KLF12: variants seen among roughly 807,000 people sequenced by gnomAD.
The protein encoded by KLF12 is KLF transcription factor 12.
Under a neutral mutation model 37.8 loss-of-function variants are expected in KLF12, and 9 were observed. That is an observed-to-expected ratio of 0.24 (90% CI 0.14 to 0.42). The LOEUF (loss-of-function observed/expected upper bound fraction) is 0.42, where lower values mean the gene tolerates loss of function less well. KLF12 is among the 10% of genes least tolerant of loss of function. KLF12 has a pLI of 1.00. For missense variants in KLF12, 411 were observed against 516.0 expected, an observed-to-expected ratio of 0.80 and a Z score of 1.97; for synonymous variants, 208 against 202.1, an observed-to-expected ratio of 1.03 and a Z score of -0.25.
the KLF12 span, chr13:74,259,079 G>C: frequency 6.6e-6 from 1 of 152,242 alleles, no homozygotes; most frequent in Non-Finnish European, 1.5e-5. Flanking sequence ...TCTGGCCTGT[G>C]CCCCAGATAG....
intron 3 of KLF12, among the ~76,000 whole-genome samples, chr13:73,855,459 G>A (rs1180805626): frequency 1.3e-5 from 2 of 152,170 alleles, no homozygotes; most frequent in African/African-American, 2.4e-5. Context: ...GTATTCCACG[G>A]TGTATATGTA....
intron 2 of KLF12, among the ~76,000 whole-genome samples, chr13:73,951,682 C>G (rs1890652810): frequency 6.6e-6 from 1 of 152,200 alleles, no homozygotes; most frequent in African/African-American, 2.4e-5. Context: ...TTCTAAAGTT[C>G]TTGCCCTGAC....
intron 1 of KLF12, among the ~76,000 whole-genome samples, chr13:74,011,421 T>TA (rs1303753427): frequency 3.2e-4 from 48 of 152,158 alleles, no homozygotes; most frequent in Non-Finnish European, 1.5e-4. Context: ...AAGTGTGCAA[T>TA]ACAAAAATAA....
In KLF12 at chr13:73,952,838, G is replaced by A. The variant is rs1375456781; in HGVS notation, c.34-8768C>T. 2.6e-5 allele frequency among the ~76,000 whole-genome samples: 4 copies of A among 152,194 alleles called. No homozygotes were observed. The East Asian group carries it at 5.8e-4, about 22-fold the overall frequency. ...AATTTGGAAGCTGACTTACAAAGAT[G>A]TCTGATGTGATACAAGAGAAACTGC... On this transcript the variant is annotated intron_variant, in intron 2 of 7. Transcript: ENST00000377669.
At chr13:74,188,563 T>C in the KLF12 span, among the ~76,000 whole-genome samples, 1 of 152,210 alleles carries the variant, frequency 6.6e-6, no homozygotes, top group South Asian at 2.1e-4. Flanking sequence ...AACATGATGG[T>C]AAGACCTGGT....
At chr13:74,110,168 C>T (rs777766468) in intron 1 of KLF12, among the ~76,000 whole-genome samples, 3 of 152,096 alleles carry the variant, frequency 2.0e-5, no homozygotes, top group Admixed American at 6.6e-5. Context: ...CATTTCTGTA[C>T]GCTAAATTGG....
chr13:74,041,283 T>C lies in KLF12; in HGVS notation c.-31-46230A>G, dbSNP rs571578060. On this transcript the variant is annotated intron_variant, in intron 1 of 7. Transcript: ENST00000377669. ...TCCCCACAATATTTTGCACCATTCATGTGCCCTGTAGTATAGTTTCTCATG... is the reference window on the plus strand; with the variant it reads ...TCCCCACAATATTTTGCACCATTCACGTGCCCTGTAGTATAGTTTCTCATG... Among the ~76,000 whole-genome samples, 24 of 152,324 alleles carry C rather than the reference T, an allele frequency of 1.6e-4. No individual in the cohort carries two copies. In the South Asian group the frequency reaches 4.8e-3, roughly 30 times the overall value.
the KLF12 span, among the ~76,000 whole-genome samples, chr13:74,178,860 A>G: frequency 3.3e-5 from 5 of 152,164 alleles, no homozygotes; most frequent in African/African-American, 9.7e-5. Context: ...CCCTCTGGAA[A>G]TACTGGAATT....
intron 6 of KLF12, among the ~76,000 whole-genome samples, chr13:73,758,878 G>C (rs962972001): frequency 1.3e-5 from 2 of 152,104 alleles, no homozygotes; most frequent in Non-Finnish European, 1.5e-5. Context: ...CTGGGTGATA[G>C]AGAAGTTAAG....
At chr13:73,722,868 A>G (rs1031779233) in intron 6 of KLF12, among the ~76,000 whole-genome samples, 1 of 152,230 alleles carries the variant, frequency 6.6e-6, no homozygotes, top group African/African-American at 2.4e-5. Flanking sequence ...AAACTAATTA[A>G]AAGATAATGG....
intron 1 of KLF12, among the ~76,000 whole-genome samples, chr13:73,997,302 C>T (rs1400163239): frequency 6.6e-6 from 1 of 151,952 alleles, no homozygotes; most frequent in Non-Finnish European, 1.5e-5. Flanking sequence ...CTTTGATGCC[C>T]AGTTTTCTTC....
chr13:74,206,859 A>G, the KLF12 span, among the ~76,000 whole-genome samples: 1 of 152,210 alleles, frequency 6.6e-6, no homozygotes, highest in Non-Finnish European at 1.5e-5. Flanking sequence ...GAGTTTCTAA[A>G]CATTTGGCAT....
At chr13:74,183,611 C>T in the KLF12 span, among the ~76,000 whole-genome samples, 4 of 151,960 alleles carry the variant, frequency 2.6e-5, no homozygotes, top group Middle Eastern at 3.4e-3. Flanking sequence ...AAAAAAAAAT[C>T]CACCAACAGC....
intron 5 of KLF12, among the ~76,000 whole-genome samples, chr13:73,782,357 C>A (rs2089647928): frequency 6.6e-6 from 1 of 152,110 alleles, no homozygotes; most frequent in African/African-American, 2.4e-5. Context: ...ATGTCTTGTG[C>A]CTAACTTTCT....
chr13:74,070,320 G>T (rs895741516), intron 1 of KLF12, among the ~76,000 whole-genome samples: 2 of 152,168 alleles, frequency 1.3e-5, no homozygotes, highest in Non-Finnish European at 2.9e-5. Flanking sequence ...GCAGGTAAAC[G>T]ACCACTAGCC....
chr13:74,182,381 A>C, the KLF12 span, among the ~76,000 whole-genome samples: 1 of 152,196 alleles, frequency 6.6e-6, no homozygotes, highest in East Asian at 1.9e-4. Flanking sequence ...TGGTTATCAG[A>C]GAATTAGAGG....
At chr13:74,118,340 G>T (rs1171823212) in intron 1 of KLF12, among the ~76,000 whole-genome samples, 1 of 152,104 alleles carries the variant, frequency 6.6e-6, no homozygotes, top group Non-Finnish European at 1.5e-5. Context: ...AAATGTCTAT[G>T]ATTTAGTCAA....
intron 3 of KLF12, among the ~76,000 whole-genome samples, chr13:73,875,106 A>C (rs1886641699): frequency 6.6e-6 from 1 of 152,008 alleles, no homozygotes; most frequent in Admixed American, 6.6e-5. Flanking sequence ...TTGCCAAATT[A>C]GGAAGATCAC....
intron 1 of KLF12, among the ~76,000 whole-genome samples, chr13:74,018,935 T>C (rs1234482631): frequency 1.3e-5 from 2 of 152,216 alleles, no homozygotes; most frequent in Non-Finnish European, 2.9e-5. Context: ...AAAGAACCCA[T>C]GTTTTATCTT....
Sources: gnomAD v4.1 joint callset for allele counts (sites outside exome capture counted in the v4.1 genomes callset) on GRCh38, gnomAD v4.1.1 for gene constraint, MANE v1.5 for transcripts, NCBI Gene and HGNC (gene_info 2026-07-23, HGNC 2026-07-21) for gene names.